The following MIPOL1 variants were observed in gnomAD, a reference collection of about 807,000 sequenced individuals.
MIPOL1 encodes the protein mirror-image polydactyly 1, also known as mirror-image polydactyly gene 1 protein.
MIPOL1 carries 57 observed loss-of-function variants against 60.9 expected under a neutral mutation model. The ratio of observed to expected loss-of-function variants is 0.94; its 90% CI spans 0.76 to 1.17. The LOEUF (loss-of-function observed/expected upper bound fraction) is 1.17. Ranked by LOEUF, MIPOL1 falls within the 50% of genes most tolerant of loss-of-function variation. The pLI is 0.00. For synonymous variants in MIPOL1, 179 were observed against 168.8 expected (o/e 1.06, Z -0.47); for missense variants, 551 against 511.6 (o/e 1.08, Z -0.74).
chr14:37,478,272 A>G (rs1189156089), intron 11 of MIPOL1, among the ~76,000 whole-genome samples: 4 of 152,234 alleles, frequency 2.6e-5, no homozygotes, highest in Non-Finnish European at 5.9e-5. Flanking sequence ...GTAATAGTGT[A>G]CTGGTCATGA....
chr14:37,339,045 G>T (rs2090392458), intron 9 of MIPOL1, among the ~76,000 whole-genome samples: 1 of 152,110 alleles, frequency 6.6e-6, no homozygotes, highest in African/African-American at 2.4e-5. Flanking sequence ...AAATTGGCAA[G>T]GTATAACCTG....
At chr14:37,237,179 C>G (rs1971618173) in intron 1 of MIPOL1, among the ~76,000 whole-genome samples, 1 of 152,118 alleles carries the variant, frequency 6.6e-6, no homozygotes, top group Admixed American at 6.6e-5. Context: ...GTACCTGCCA[C>G]TTTTCCTACC....
chr14:37,403,317 A>AT (rs952318515), intron 10 of MIPOL1, among the ~76,000 whole-genome samples: 31 of 149,444 alleles, frequency 2.1e-4, no homozygotes, highest in Non-Finnish European at 3.7e-4. Context: ...GAGATGGATA[A>AT]TTTTTTTTTG....
At chr14:37,525,691 T>G (rs1237948755) in intron 12 of MIPOL1, among the ~76,000 whole-genome samples, 2 of 152,200 alleles carry the variant, frequency 1.3e-5, no homozygotes, top group Admixed American at 1.3e-4. Context: ...ATGAGATATA[T>G]GTGAATTGTC....
chr14:37,424,989 A>G (rs906895774), intron 11 of MIPOL1, among the ~76,000 whole-genome samples: 3 of 152,214 alleles, frequency 2.0e-5, no homozygotes, highest in African/African-American at 7.2e-5. Flanking sequence ...TGCATATTTC[A>G]GTTAGCTGCA....
At chr14:37,405,315 C>G (rs1444948580) in intron 10 of MIPOL1, among the ~76,000 whole-genome samples, 1 of 152,106 alleles carries the variant, frequency 6.6e-6, no homozygotes, top group Non-Finnish European at 1.5e-5. Flanking sequence ...CATTCATATA[C>G]AGAATTTTTG....
At chr14:37,378,431 A>T (rs2092835269) in intron 10 of MIPOL1, among the ~76,000 whole-genome samples, 1 of 152,044 alleles carries the variant, frequency 6.6e-6, no homozygotes, top group Non-Finnish European at 1.5e-5. Flanking sequence ...AATTTATATG[A>T]TTCCATTTTT....
At chr14:37,452,309 G>A (rs928506978) in intron 11 of MIPOL1, among the ~76,000 whole-genome samples, 1 of 152,116 alleles carries the variant, frequency 6.6e-6, no homozygotes, top group African/African-American at 2.4e-5. Context: ...TAGCAGAAAA[G>A]CATCAATTAT....
At chr14:37,252,032 A>AAT (rs975540558) in intron 3 of MIPOL1, among the ~76,000 whole-genome samples, 5 of 151,588 alleles carry the variant, frequency 3.3e-5, no homozygotes, top group Admixed American at 2.6e-4. Flanking sequence ...CTATATTGTA[A>AAT]ATATATATAT....
At chr14:37,545,928 A>G (rs2153644219) in intron 12 of MIPOL1, 1 of 311,338 alleles carries the variant, frequency 3.2e-6, no homozygotes, top group East Asian at 4.7e-5. Flanking sequence ...AGAGAGGAAG[A>G]TTGTGTATAT....
rs2095556541 is a variant in MIPOL1, at chr14:37,549,559, C to A, written c.*2588C>A. The A allele has an allele frequency of 2.0e-5, 3 of 151,794 alleles. No individual in the cohort carries two copies. The highest frequency in any genetic ancestry group is 2.0e-4 in the Admixed American group (3 of 15,260). The allele number at this position is 151,794 out of a possible 1,614,324, so 9.4% of individuals were successfully genotyped here. A position where few individuals can be genotyped will look rare whatever the true frequency, so the allele number is the denominator to read the frequency against. On this transcript the variant is annotated 3_prime_UTR_variant, in exon 13 of 13. Coordinates refer to ENST00000684589, the MANE Select transcript of MIPOL1 (RefSeq NM_001388067.1). ...AGAACTAAGATCTTATAACCACACT[C>A]CATGCAACTATGAGTCTCTAAATCT... is the stretch of plus-strand genomic sequence containing the variant.
intron 10 of MIPOL1, among the ~76,000 whole-genome samples, chr14:37,419,706 C>G (rs899305484): frequency 6.6e-6 from 1 of 151,530 alleles, no homozygotes; most frequent in East Asian, 1.9e-4. Flanking sequence ...AGGGATGTGA[C>G]TGATGAGTGT....
intron 7 of MIPOL1, among the ~76,000 whole-genome samples, chr14:37,294,735 A>C (rs1489462765): frequency 1.3e-5 from 2 of 152,104 alleles, no homozygotes; most frequent in Non-Finnish European, 2.9e-5. Flanking sequence ...GAGTGAAATG[A>C]AGTGTGAAGA....
chr14:37,381,012 C>G (rs1236113689), intron 10 of MIPOL1, among the ~76,000 whole-genome samples: 1 of 152,086 alleles, frequency 6.6e-6, no homozygotes, highest in Non-Finnish European at 1.5e-5. Context: ...CGTCTATTCC[C>G]TTACTTTGTT....
chr14:37,481,384 A>G (rs2094861898), intron 11 of MIPOL1, among the ~76,000 whole-genome samples: 1 of 152,156 alleles, frequency 6.6e-6, no homozygotes, highest in Admixed American at 6.5e-5. Context: ...AGAGGACACA[A>G]ATAAGTGGAA....
chr14:37,542,814 C>G (rs1162080325), intron 12 of MIPOL1, among the ~76,000 whole-genome samples: 1 of 152,164 alleles, frequency 6.6e-6, no homozygotes, highest in African/African-American at 2.4e-5. Flanking sequence ...TTTGAATAAT[C>G]AAAGCCCAGC....
At chr14:37,251,183 C>T (rs1472031859) in intron 3 of MIPOL1, among the ~76,000 whole-genome samples, 1 of 152,040 alleles carries the variant, frequency 6.6e-6, no homozygotes, top group Admixed American at 6.6e-5. Context: ...TCCTCAGCCT[C>T]CTGAGTAGCT....
intron 9 of MIPOL1, among the ~76,000 whole-genome samples, chr14:37,331,726 C>T (rs1242099941): frequency 6.6e-6 from 1 of 152,056 alleles, no homozygotes; most frequent in Admixed American, 6.6e-5. Flanking sequence ...AGGATAATTT[C>T]AATTCTTTCT....
intron 10 of MIPOL1, among the ~76,000 whole-genome samples, chr14:37,383,624 C>T (rs894758462): frequency 1.3e-5 from 2 of 151,920 alleles, no homozygotes; most frequent in Admixed American, 6.6e-5. Context: ...TGGTTTTTAT[C>T]TAGATCTACA....
Sources: gnomAD v4.1 joint callset for allele counts (sites outside exome capture counted in the v4.1 genomes callset) on GRCh38, gnomAD v4.1.1 for gene constraint, MANE v1.5 for transcripts, NCBI Gene and HGNC (gene_info 2026-07-23, HGNC 2026-07-21) for gene names.